Variants in TNFRSF10D observed in about 807,000 individuals in gnomAD.
TNFRSF10D encodes the protein TNF receptor superfamily member 10d.
TNFRSF10D carries 28 observed loss-of-function variants against 42.1 expected under a neutral mutation model. The ratio of observed to expected loss-of-function variants is 0.66; its 90% CI spans 0.49 to 0.91. The LOEUF (loss-of-function observed/expected upper bound fraction) is 0.91. TNFRSF10D is among the 40% of genes least tolerant of loss of function. The pLI is 0.00. For missense variants in TNFRSF10D, 503 were observed against 486.1 expected, an observed-to-expected ratio of 1.03 and a Z score of -0.33; for synonymous variants, 186 against 189.4, an observed-to-expected ratio of 0.98 and a Z score of 0.15.
At chr8:23,143,929 A>T (rs979243038) in intron 7 of TNFRSF10D, among the ~76,000 whole-genome samples, 2 of 152,224 alleles carry the variant, frequency 1.3e-5, no homozygotes, top group Non-Finnish European at 2.9e-5. Flanking sequence ...AAAACTAGTG[A>T]ATCGATGTGA....
chr8:23,150,429 G>T (rs144127236), intron 2 of TNFRSF10D, among the ~76,000 whole-genome samples: 711 of 151,842 alleles, frequency 4.7e-3, no homozygotes, highest in African/African-American at 0.015. Flanking sequence ...AAGCCAGTCT[G>T]TAAATACTGG....
chr8:23,141,273 G>A (rs1328879248), intron 7 of TNFRSF10D, among the ~76,000 whole-genome samples: 857 of 152,036 alleles, frequency 5.6e-3, no homozygotes, highest in African/African-American at 0.018. Flanking sequence ...GAGAGGACGA[G>A]GCAGGCAGAT....
At chr8:23,156,675 C>T (rs1189874526) in intron 1 of TNFRSF10D, among the ~76,000 whole-genome samples, 518 of 151,272 alleles carry the variant, frequency 3.4e-3, no homozygotes, top group African/African-American at 0.011. Context: ...AGTGGTCCTC[C>T]AACCTCAGTC....
Position 23,161,357 on chromosome 8 carries a change from A to C in TNFRSF10D, c.150+2429T>G, listed in dbSNP as rs1800364581. Among the ~76,000 whole-genome samples, 2 of 152,154 alleles carry C rather than the reference A, an allele frequency of 1.3e-5. 1 individual carries two copies. Among genetic ancestry groups the C allele is most frequent in the South Asian group, 4.1e-4 (2 of 4,832 alleles). On this transcript the variant is annotated intron_variant, in intron 1 of 8. Transcript: ENST00000312584. The stretch of plus-strand genomic sequence containing the variant: ...TTTCGATTCCTACTTTGATAAAGAG[A>C]AGGGCGGGGCGGAAGCCTCTGTCAC...
At chr8:23,144,404 T>C (rs1303836271) in intron 7 of TNFRSF10D, 46 bp downstream of exon 7, 1 of 1,589,778 alleles carries the variant, frequency 6.3e-7, no homozygotes, top group Admixed American at 1.7e-5. Context: ...TACAAAGTCC[T>C]GTGCAGGCTG....
At chr8:23,149,096 A>G (rs1289693290) in intron 2 of TNFRSF10D, among the ~76,000 whole-genome samples, 2 of 144,556 alleles carry the variant, frequency 1.4e-5, no homozygotes, top group Non-Finnish European at 3.0e-5. Context: ...AGGCTGAGGC[A>G]GGAGAATGGC....
intron 1 of TNFRSF10D, among the ~76,000 whole-genome samples, chr8:23,157,741 A>T (rs1800301169): frequency 6.8e-6 from 1 of 147,380 alleles, no homozygotes; most frequent in African/African-American, 2.5e-5. Flanking sequence ...TTGAAGAATT[A>T]ACCTTTTTAA....
At chr8:23,157,850 G>A (rs780011209) in intron 1 of TNFRSF10D, among the ~76,000 whole-genome samples, 4 of 152,154 alleles carry the variant, frequency 2.6e-5, no homozygotes, top group African/African-American at 4.8e-5. Flanking sequence ...AGGGCTCCCC[G>A]CTTCTGACAC....
chr8:23,162,814 T>C (rs918972093), intron 1 of TNFRSF10D, among the ~76,000 whole-genome samples: 1 of 152,014 alleles, frequency 6.6e-6, no homozygotes, highest in Admixed American at 6.5e-5. Context: ...CTATAGGAAA[T>C]GAAAGTTACA....
At position 23,147,032 on chromosome 8, in the gene TNFRSF10D, G is replaced by A. The variant is rs746652612; in HGVS notation, c.411C>T (p.Thr137=). The part of the protein sequence containing the change: ...NKSSCTTTRD[T]VCQCEKGSFQ... Reference sequence around the variant, plus strand: ...AGCTTCCTTTTTCACACTGACACACGGTGTCTCTGGTCGTGGTACAGGAAC... The same window carrying A: ...AGCTTCCTTTTTCACACTGACACACAGTGTCTCTGGTCGTGGTACAGGAAC... The change falls in exon 4 of 9, where the codon ACC becomes ACT. Residue 137 remains threonine, a synonymous_variant. Transcript: ENST00000312584. 27 of 1,613,920 alleles carry A rather than the reference G, an allele frequency of 1.7e-5. No homozygotes were observed. The highest frequency in any genetic ancestry group is 9.3e-5 in the African/African-American group (7 of 74,868).
At chr8:23,160,996 C>T (rs1800359242) in intron 1 of TNFRSF10D, among the ~76,000 whole-genome samples, 1 of 152,250 alleles carries the variant, frequency 6.6e-6, no homozygotes, top group Non-Finnish European at 1.5e-5. Flanking sequence ...TCAGAAGCTT[C>T]TGCCCCAAGG....
At chr8:23,146,314 G>A (rs1800119681) in intron 4 of TNFRSF10D, among the ~76,000 whole-genome samples, 1 of 152,186 alleles carries the variant, frequency 6.6e-6, no homozygotes, top group African/African-American at 2.4e-5. Flanking sequence ...GCCCCACCCT[G>A]TCTGCCGCTG....
At chr8:23,163,186 G>T (rs887260699) in intron 1 of TNFRSF10D, among the ~76,000 whole-genome samples, 10 of 132,856 alleles carry the variant, frequency 7.5e-5, no homozygotes, top group Admixed American at 5.3e-4. Context: ...TGCAACCTCC[G>T]CCTCCCGGAT....
At chr8:23,151,276 C>A (rs1262431064) in intron 2 of TNFRSF10D, among the ~76,000 whole-genome samples, 1 of 151,834 alleles carries the variant, frequency 6.6e-6, no homozygotes. Context: ...AAATTCCTTG[C>A]CAACCAAGAA....
At position 23,136,607 on chromosome 8, in the gene TNFRSF10D, GC is replaced by G. The variant is rs1304723902; in HGVS notation, c.*1262del. 2.0e-5 allele frequency: 3 copies of G among 153,068 alleles called. No homozygotes were observed. The East Asian group carries it at 5.8e-4, about 29-fold the overall frequency. 9.5% of individuals were successfully genotyped at this position (153,068 alleles called of 1,614,324 possible). On this transcript the variant is annotated 3_prime_UTR_variant, in exon 9 of 9. Coordinates refer to ENST00000312584, the MANE Select transcript of TNFRSF10D (RefSeq NM_003840.5). ...TTCACTAACGTTCAACTGTAATGGC[GC>G]TTGAAAGAGAAGCTCTTCGCAGTCT... is the stretch of plus-strand genomic sequence containing the variant.
intron 1 of TNFRSF10D, among the ~76,000 whole-genome samples, chr8:23,158,865 G>A (rs1433037270): frequency 1.3e-5 from 2 of 152,162 alleles, no homozygotes; most frequent in East Asian, 3.8e-4. Context: ...TTGGTAGGTT[G>A]AGATGTACGT....
chr8:23,143,023 C>A (rs1489001926), intron 7 of TNFRSF10D, among the ~76,000 whole-genome samples: 2 of 150,276 alleles, frequency 1.3e-5, no homozygotes, highest in African/African-American at 5.0e-5. Flanking sequence ...GTAGCCCAGG[C>A]TGGAGTGCAG....
chr8:23,161,016 C>T (rs1800359665), intron 1 of TNFRSF10D, among the ~76,000 whole-genome samples: 1 of 152,244 alleles, frequency 6.6e-6, no homozygotes, highest in African/African-American at 2.4e-5. Flanking sequence ...GCCAGGGAGC[C>T]TGGTATGGAG....
intron 1 of TNFRSF10D, among the ~76,000 whole-genome samples, chr8:23,161,533 G>C (rs1800367501): frequency 6.6e-6 from 1 of 152,136 alleles, no homozygotes. Flanking sequence ...ACTGGCCCCA[G>C]CTGACCACGG....
Sources: allele counts gnomAD v4.1 joint callset (sites outside exome capture counted in the v4.1 genomes callset), GRCh38; gene constraint gnomAD v4.1.1; transcripts MANE v1.5; gene names NCBI Gene and HGNC (gene_info 2026-07-23, HGNC 2026-07-21).